The following CDK5RAP2 variants were observed in gnomAD, a reference collection of about 807,000 sequenced individuals.
The protein encoded by CDK5RAP2 is CDK5 regulatory subunit-associated protein 2.
A neutral mutation model predicts 232.9 loss-of-function variants in CDK5RAP2; 147 were observed. The observed-to-expected ratio is 0.63, with a 90% CI of 0.55 to 0.72. CDK5RAP2 has a LOEUF of 0.72. Ranked by LOEUF, CDK5RAP2 falls within the 30% of genes least tolerant of loss-of-function variation. The pLI, the probability that CDK5RAP2 is intolerant of heterozygous loss-of-function variation, is 0.00. For synonymous variants in CDK5RAP2, 833 were observed against 833.7 expected, an observed-to-expected ratio of 1.00 and a Z score of 0.01; for missense variants, 2,195 against 2,231.5, an observed-to-expected ratio of 0.98 and a Z score of 0.33.
intron 4 of CDK5RAP2, 24 bp from the exon 5 acceptor site, chr9:120,545,814 AAAG>A (rs2041818761): frequency 6.3e-7 from 1 of 1,590,996 alleles, no homozygotes; most frequent in African/African-American, 1.3e-5. Context: ...TTAAGAAAGA[AAAG>A]AAACAATGTA....
At position 120,453,553 on chromosome 9, in the gene CDK5RAP2, A is replaced by G. The variant is rs1452466635; in HGVS notation, c.2696T>C (p.Ile899Thr). ...ATREAWEEKP[I>T]NTALSAEHRP... Reference sequence around the variant, plus strand: ...ATGCTCTGCGCTGAGTGCAGTGTTGATCGGTTTCTCTTCCCAAGCCTCTCT... The same window carrying G: ...ATGCTCTGCGCTGAGTGCAGTGTTGGTCGGTTTCTCTTCCCAAGCCTCTCT... Residue 899 changes from isoleucine to threonine, a missense_variant, in exon 21 of 38, where the codon ATC becomes ACC. By Grantham distance (89) the Ile-to-Thr change is moderately conservative. Coordinates refer to ENST00000349780, the MANE Select transcript of CDK5RAP2 (RefSeq NM_018249.6). 2.5e-6 allele frequency: 4 copies of G among 1,614,024 alleles called. No homozygotes were observed. The African/African-American group carries it at 5.3e-5, about 22-fold the overall frequency.
At chr9:120,531,361 T>C (rs562675461) in intron 7 of CDK5RAP2, among the ~76,000 whole-genome samples, 1 of 151,990 alleles carries the variant, frequency 6.6e-6, no homozygotes, top group African/African-American at 2.4e-5. Flanking sequence ...GCACCCCTAG[T>C]GCCCCACTCA....
intron 18 of CDK5RAP2, among the ~76,000 whole-genome samples, chr9:120,461,940 G>A (rs143749838): frequency 2.0e-5 from 3 of 152,322 alleles, no homozygotes; most frequent in East Asian, 3.9e-4. Flanking sequence ...AGATACCTAC[G>A]GTTCTAGCTC....
At chr9:120,438,223 C>T (rs1384928806) in intron 24 of CDK5RAP2, among the ~76,000 whole-genome samples, 2 of 152,208 alleles carry the variant, frequency 1.3e-5, no homozygotes, top group Admixed American at 6.5e-5. Flanking sequence ...AAGAGAAAGA[C>T]ACTGAGAAGT....
At position 120,437,417 on chromosome 9, in the gene CDK5RAP2, AT is replaced by A. The variant is rs1394915005; in HGVS notation, c.3832del (p.Ile1278LeufsTer25). On this transcript the variant is annotated frameshift_variant, in exon 25 of 38. Coordinates refer to ENST00000349780, the MANE Select transcript of CDK5RAP2 (RefSeq NM_018249.6). LOFTEE classifies it high-confidence loss of function. ...VISRQHMNTMIKAFEELLQAS... is the reference protein window; with the variant it reads ...VISRQHMNTMXKAFEELLQAS... Reference sequence around the variant, plus strand: ...CTGCAGCAACTCCTCAAATGCCTTAATCATGGTGTTCATGTGTTGACGGGAG... The same window carrying A: ...CTGCAGCAACTCCTCAAATGCCTTAACATGGTGTTCATGTGTTGACGGGAG... 6.2e-7 allele frequency: 1 copy of A among 1,614,146 alleles called. No homozygotes were observed. The highest frequency in any genetic ancestry group is 1.7e-5 in the Admixed American group (1 of 60,018).
At chr9:120,397,297 C>G (rs71509518) in intron 35 of CDK5RAP2, among the ~76,000 whole-genome samples, 20 of 152,184 alleles carry the variant, frequency 1.3e-4, no homozygotes, top group African/African-American at 4.3e-4. Context: ...ATACTTACCT[C>G]TACTACATTC....
Position 120,411,462 on chromosome 9 carries a change from A to G in CDK5RAP2, c.4310T>C (p.Ile1437Thr), listed in dbSNP as rs375065457. The change falls in exon 29 of 38, where the codon ATT becomes ACT. Residue 1437 changes from isoleucine (I) to threonine (T), a missense_variant. Physicochemically the swap from Ile to Thr is moderately conservative, Grantham distance 89. Transcript: ENST00000349780. ...ATGAAGCTCTGAACCAGAAGCAAAA[A>G]TGCTTGTAGAACCTATAAAAACACA... is the stretch of plus-strand genomic sequence containing the variant. ...GSEFVQGSTS[I>T]FASGSELHSS... 52 of 1,592,938 alleles carry G rather than the reference A, an allele frequency of 3.3e-5. No individual in the cohort carries two copies. Among genetic ancestry groups the G allele is most frequent in the Non-Finnish European group, 4.2e-5 (49 of 1,161,230 alleles).
chr9:120,497,421 T>TAAAAAAAAAAAAAAAAAAAA lies in CDK5RAP2; in HGVS notation c.1312-5964_1312-5945dup, dbSNP rs71385064. On this transcript the variant is annotated intron_variant, in intron 12 of 37. Coordinates refer to ENST00000349780, the MANE Select transcript of CDK5RAP2 (RefSeq NM_018249.6). Reference sequence around the variant, plus strand: ...AGAATTATCAATAAAAAAATAAATTTAAAAAAAAAAAAAAAAAAAAAAAAA... The same window carrying TAAAAAAAAAAAAAAAAAAAA: ...AGAATTATCAATAAAAAAATAAATTTAAAAAAAAAAAAAAAAAAAAAAAAAAAAAAAAAAAAAAAAAAAAA... Among the ~76,000 whole-genome samples the TAAAAAAAAAAAAAAAAAAAA allele has an allele frequency of 1.3e-3, 31 of 23,302 alleles. 1 individual carries two copies. Among genetic ancestry groups the TAAAAAAAAAAAAAAAAAAAA allele is most frequent in the South Asian group, 7.2e-3 (2 of 278 alleles). The allele number at this position is 23,302 out of a possible 152,430, so 15.3% of individuals were successfully genotyped here. A position where few individuals can be genotyped will look rare whatever the true frequency, so the allele number is the denominator to read the frequency against.
intron 3 of CDK5RAP2, among the ~76,000 whole-genome samples, chr9:120,563,298 C>T (rs943934919): frequency 6.6e-6 from 1 of 152,096 alleles, no homozygotes; most frequent in South Asian, 2.1e-4. Flanking sequence ...GAGCAGTGTA[C>T]GACGGGGAGA....
intron 25 of CDK5RAP2, among the ~76,000 whole-genome samples, chr9:120,424,633 T>C (rs937149793): frequency 3.3e-5 from 5 of 151,804 alleles, no homozygotes; most frequent in Non-Finnish European, 5.9e-5. Flanking sequence ...CCAAAAAGCT[T>C]AGGACTTATT....
In CDK5RAP2 at chr9:120,467,958, C is replaced by A; in HGVS notation, c.2008G>T (p.Asp670Tyr). 1 of 1,614,084 alleles carries A rather than the reference C, an allele frequency of 6.2e-7. No individual in the cohort carries two copies. Among genetic ancestry groups the A allele is most frequent in the Non-Finnish European group, 8.5e-7 (1 of 1,179,956 alleles). ...ATGGTTTTCTTCAGGTGCTGGTTGT[C>A]TGTATACAGCTCCTTCACTAGCTGT... The part of the protein sequence containing the change: ...LIQLVKELYT[D>Y]NQHLKKTIFD... The change falls in exon 18 of 38, where the codon GAC (aspartate) becomes TAC (tyrosine). Residue 670 changes from aspartate (D) to tyrosine (Y), a missense_variant. Coordinates refer to ENST00000349780, the MANE Select transcript of CDK5RAP2 (RefSeq NM_018249.6).
Position 120,419,781 on chromosome 9 carries a change from A to C in CDK5RAP2, c.4177+7T>G, listed in dbSNP as rs755674825. On this transcript the variant is annotated splice_region_variant and intron_variant, in intron 27 of 37. Transcript: ENST00000349780. ...ATGTTTAAAACACTTAATGAGGCTT[A>C]GCTTACCTTGAGAAAAACTGTTCAC... 6.2e-7 allele frequency: 1 copy of C among 1,609,534 alleles called. No homozygotes were observed.
At chr9:120,478,408 G>A (rs1023049619) in intron 14 of CDK5RAP2, among the ~76,000 whole-genome samples, 1 of 152,198 alleles carries the variant, frequency 6.6e-6, no homozygotes, top group African/African-American at 2.4e-5. Flanking sequence ...GTTGGTGAAA[G>A]GGAACAAAGT....
At chr9:120,525,487 G>A (rs1057130199) in intron 10 of CDK5RAP2, among the ~76,000 whole-genome samples, 10 of 152,014 alleles carry the variant, frequency 6.6e-5, no homozygotes, top group Admixed American at 5.9e-4. Context: ...CCCGGAGTTG[G>A]CCATGAACAA....
intron 15 of CDK5RAP2, among the ~76,000 whole-genome samples, chr9:120,475,577 C>T (rs985174216): frequency 6.6e-6 from 1 of 151,984 alleles, no homozygotes. Context: ...CCAGTGCCCC[C>T]CACTGCTCGC....
At position 120,435,125 on chromosome 9, in the gene CDK5RAP2, G is replaced by A. The variant is rs567700163; in HGVS notation, c.3955+2170C>T. 5.3e-5 allele frequency among the ~76,000 whole-genome samples: 8 copies of A among 152,226 alleles called. 1 individual carries two copies. The South Asian group carries it at 1.7e-3, about 32-fold the overall frequency. ...TCAAATGACTAACCCAACAACAGCT[G>A]TACAAAGAATGAAACCAAACAACTT... is the stretch of plus-strand genomic sequence containing the variant. On this transcript the variant is annotated intron_variant, in intron 25 of 37. Coordinates refer to ENST00000349780, the MANE Select transcript of CDK5RAP2 (RefSeq NM_018249.6).
intron 7 of CDK5RAP2, among the ~76,000 whole-genome samples, chr9:120,533,611 T>C (rs1443749020): frequency 2.0e-5 from 3 of 151,806 alleles, no homozygotes; most frequent in African/African-American, 7.3e-5. Flanking sequence ...CTGGCCAACA[T>C]GGTGAAACGC....
At chr9:120,407,353 C>T (rs1554729729) in intron 31 of CDK5RAP2, 105 bp from the exon 32 acceptor site, 6 of 845,944 alleles carry the variant, frequency 7.1e-6, no homozygotes, top group Non-Finnish European at 8.1e-6. Flanking sequence ...ATCGCCCTCC[C>T]CCTTCCTAAG....
intron 5 of CDK5RAP2, among the ~76,000 whole-genome samples, chr9:120,544,277 G>A (rs2041753113): frequency 6.6e-6 from 1 of 152,170 alleles, no homozygotes; most frequent in Admixed American, 6.5e-5. Context: ...ACCTGTAGCA[G>A]GCAGGGCACT....
Sources: gnomAD v4.1 joint callset for allele counts (sites outside exome capture counted in the v4.1 genomes callset) on GRCh38, gnomAD v4.1.1 for gene constraint, MANE v1.5 for transcripts, NCBI Gene and HGNC (gene_info 2026-07-23, HGNC 2026-07-21) for gene names.